DYNC2H1: variants seen among roughly 807,000 people sequenced by gnomAD.
DYNC2H1 encodes dynein cytoplasmic 2 heavy chain 1, also known as cytoplasmic dynein 2 heavy chain 1.
DYNC2H1 carries 410 observed loss-of-function variants against 570.0 expected under a neutral mutation model. The ratio of observed to expected loss-of-function variants is 0.72; its 90% CI spans 0.66 to 0.78. The LOEUF is 0.78. Ranked by LOEUF, DYNC2H1 falls within the 30% of genes least tolerant of loss-of-function variation. The pLI is 0.00. For missense variants in DYNC2H1, 4,865 were observed against 5,046.4 expected, an observed-to-expected ratio of 0.96 and a Z score of 1.09; for synonymous variants, 1,688 against 1,677.6, an observed-to-expected ratio of 1.01 and a Z score of -0.15.
intron 82 of DYNC2H1, among the ~76,000 whole-genome samples, chr11:103,342,979 G>A (rs1253233453): frequency 6.6e-6 from 1 of 152,044 alleles, no homozygotes; most frequent in Non-Finnish European, 1.5e-5. Context: ...TAGAATTTGG[G>A]GGCTAAACAC....
intron 6 of DYNC2H1, 85 bp from the exon 7 acceptor site, chr11:103,120,362 C>T: frequency 8.0e-7 from 1 of 1,243,496 alleles, no homozygotes; most frequent in Non-Finnish European, 1.1e-6. Context: ...TAAAGAAATT[C>T]TTGCCCAATA....
Position 103,455,293 on chromosome 11 carries a change from A to C in DYNC2H1, c.12564A>C (p.Ala4188=). 1 of 1,612,366 alleles carries C rather than the reference A, an allele frequency of 6.2e-7. No individual in the cohort carries two copies. The highest frequency in any genetic ancestry group is 8.5e-7 in the Non-Finnish European group (1 of 1,178,764). Residue 4188 remains alanine, a splice_region_variant and synonymous_variant, in exon 86 of 89, where the codon GCA becomes GCC. Coordinates refer to ENST00000375735, the MANE Select transcript of DYNC2H1 (RefSeq NM_001377.3). ...TTAATGCTCTTCGCCAGGAAACTGC[A>C]AGGTAATTAAAATGAAATACTTTAC... The part of the protein sequence containing the change: ...TFLNALRQET[A]RAVGRSVDSL...
chr11:103,368,442 G>GTT (rs112701562), intron 83 of DYNC2H1, among the ~76,000 whole-genome samples: 11 of 148,956 alleles, frequency 7.4e-5, no homozygotes, highest in East Asian at 2.0e-4. Flanking sequence ...TCACATTTGG[G>GTT]TTTTTTTTTT....
In DYNC2H1 at chr11:103,243,858, C is replaced by A; in HGVS notation, c.9918+67C>A. 1 of 1,256,638 alleles carries A rather than the reference C, an allele frequency of 8.0e-7. No individual in the cohort carries two copies. The highest frequency in any genetic ancestry group is 1.1e-6 in the Non-Finnish European group (1 of 908,292). The allele number at this position is 1,256,638 out of a possible 1,614,324, so 77.8% of individuals were successfully genotyped here. A position where few individuals can be genotyped will look rare whatever the true frequency, so the allele number is the denominator to read the frequency against. On this transcript the variant is annotated intron_variant, in intron 64 of 88. Coordinates refer to ENST00000375735, the MANE Select transcript of DYNC2H1 (RefSeq NM_001377.3). The surrounding 1 kb of genome is among the most constrained non-coding windows in gnomAD (Gnocchi z 4.8). Reference sequence around the variant, plus strand: ...TCTTATAGTGAAAAGATCTTGGAGTCTATAATCAGAAAACATAGATTCAAC... The same window carrying A: ...TCTTATAGTGAAAAGATCTTGGAGTATATAATCAGAAAACATAGATTCAAC...
chr11:103,351,608 C>T (rs1940059313), intron 82 of DYNC2H1, among the ~76,000 whole-genome samples: 1 of 151,864 alleles, frequency 6.6e-6, no homozygotes, highest in African/African-American at 2.4e-5. Flanking sequence ...ATTTTTTCTC[C>T]TTAATTTATG....
chr11:103,137,564 C>G (rs2134792338), intron 17 of DYNC2H1, among the ~76,000 whole-genome samples: 1 of 152,260 alleles, frequency 6.6e-6, no homozygotes, highest in Non-Finnish European at 1.5e-5. Flanking sequence ...TCTGAGGGCT[C>G]TGTTCTGTTC....
intron 62 of DYNC2H1, 128 bp downstream of exon 62, chr11:103,235,941 A>C: frequency 8.3e-7 from 1 of 1,197,682 alleles, no homozygotes. Flanking sequence ...GGGAAATTTT[A>C]TATGGGTTCC....
chr11:103,118,071 A>G (rs1405498741), intron 6 of DYNC2H1, among the ~76,000 whole-genome samples: 1 of 152,066 alleles, frequency 6.6e-6, no homozygotes. Flanking sequence ...TTGTGAGCTT[A>G]TATTTTGTTT....
intron 82 of DYNC2H1, among the ~76,000 whole-genome samples, chr11:103,328,061 T>C (rs1298148330): frequency 2.0e-5 from 3 of 152,220 alleles, no homozygotes; most frequent in Non-Finnish European, 4.4e-5. Context: ...TACTTTTTAC[T>C]CACTCGAATA....
chr11:103,468,791 G>T, intron 88 of DYNC2H1, 86 bp downstream of exon 88: 1 of 1,103,240 alleles, frequency 9.1e-7, no homozygotes, highest in South Asian at 1.8e-5. Flanking sequence ...CTTGGCCTGT[G>T]TATTTTTGTT....
chr11:103,173,919 T>A, intron 35 of DYNC2H1, 136 bp from the exon 36 acceptor site: 1 of 623,238 alleles, frequency 1.6e-6, no homozygotes, highest in Non-Finnish European at 2.7e-6. Context: ...GTGTGGTTGC[T>A]TCCCTTATAT....
intron 65 of DYNC2H1, among the ~76,000 whole-genome samples, chr11:103,246,858 C>T (rs185532462): frequency 1.7e-3 from 260 of 152,146 alleles, no homozygotes; most frequent in Non-Finnish European, 3.1e-3. Context: ...TACTTTTCTA[C>T]TTACTGTGTT....
chr11:103,343,992 C>T (rs944686219), intron 82 of DYNC2H1, among the ~76,000 whole-genome samples: 1 of 152,168 alleles, frequency 6.6e-6, no homozygotes, highest in African/African-American at 2.4e-5. Context: ...AAGTACAGTT[C>T]TTAGAACAGT....
intron 87 of DYNC2H1, among the ~76,000 whole-genome samples, chr11:103,462,873 TGAG>T (rs1227184661): frequency 6.6e-6 from 1 of 152,160 alleles, no homozygotes; most frequent in Non-Finnish European, 1.5e-5. Context: ...TTTGCTTTTA[TGAG>T]GAGGGGGTAA....
At chr11:103,173,016 C>T (rs970235653) in intron 34 of DYNC2H1, 66 bp from the exon 35 acceptor site, 15 of 818,372 alleles carry the variant, frequency 1.8e-5, no homozygotes, top group Non-Finnish European at 2.4e-5. Context: ...ATAAACGATG[C>T]CTATATGTTA....
chr11:103,436,078 A>G, intron 85 of DYNC2H1, 46 bp downstream of exon 85: 1 of 1,544,232 alleles, frequency 6.5e-7, no homozygotes, highest in Non-Finnish European at 8.9e-7. Flanking sequence ...CTGTGTGACT[A>G]TTGTATTATA....
At chr11:103,359,233 T>A (rs1309124838) in intron 83 of DYNC2H1, among the ~76,000 whole-genome samples, 1 of 152,250 alleles carries the variant, frequency 6.6e-6, no homozygotes, top group Non-Finnish European at 1.5e-5. Context: ...AATCCGTTGA[T>A]GTGATTTTGT....
intron 59 of DYNC2H1, among the ~76,000 whole-genome samples, 186 bp downstream of exon 59, chr11:103,223,272 G>C (rs998483529): frequency 6.6e-6 from 1 of 152,076 alleles, no homozygotes; most frequent in Admixed American, 6.6e-5. Flanking sequence ...ATTAGAAGGA[G>C]AGAGAAGAAC....
Position 103,109,543 on chromosome 11 carries a change from CT to C in DYNC2H1, c.-30del, listed in dbSNP as rs767463402. Reference sequence around the variant, plus strand: ...CGGACTGGTTTCTTCTTCCTTCCCCCTTCCCCCAACTTCCCTCCACCCCTTC... The same window carrying C: ...CGGACTGGTTTCTTCTTCCTTCCCCCTCCCCCAACTTCCCTCCACCCCTTC... On this transcript the variant is annotated 5_prime_UTR_variant, in exon 1 of 89. Coordinates refer to ENST00000375735, the MANE Select transcript of DYNC2H1 (RefSeq NM_001377.3). 1.2e-6 allele frequency: 2 copies of C among 1,601,962 alleles called. No homozygotes were observed. The highest frequency in any genetic ancestry group is 2.2e-5 in the South Asian group (2 of 89,534).
Sources: allele counts gnomAD v4.1 joint callset (sites outside exome capture counted in the v4.1 genomes callset), GRCh38; gene constraint gnomAD v4.1.1; non-coding constraint Gnocchi (gnomAD v3.1); transcripts MANE v1.5; gene names NCBI Gene and HGNC (gene_info 2026-07-23, HGNC 2026-07-21).